Variants in CADM2 observed in about 807,000 individuals in gnomAD.
CADM2 encodes the protein immunoglobulin superfamily member 4D.
CADM2 carries 12 observed loss-of-function variants against 49.8 expected under a neutral mutation model. The ratio of observed to expected loss-of-function variants is 0.24; its 90% CI spans 0.15 to 0.39. The LOEUF (loss-of-function observed/expected upper bound fraction) is 0.39, where lower values mean the gene tolerates loss of function less well. CADM2 is among the 10% of genes least tolerant of loss of function. The pLI, the probability that CADM2 is intolerant of heterozygous loss-of-function variation, is 1.00. For synonymous variants in CADM2, 214 were observed against 175.4 expected (o/e 1.22, Z -1.74); for missense variants, 378 against 492.3 (o/e 0.77, Z 2.20).
intron 1 of CADM2, among the ~76,000 whole-genome samples, chr3:85,169,692 T>C (rs2040568334): frequency 1.3e-5 from 2 of 152,056 alleles, no homozygotes; most frequent in African/African-American, 4.8e-5. Context: ...GAATTGCTTG[T>C]ACCCTGGAGA....
At chr3:85,433,507 G>T (rs934995739) in intron 1 of CADM2, among the ~76,000 whole-genome samples, 1 of 152,050 alleles carries the variant, frequency 6.6e-6, no homozygotes, top group African/African-American at 2.4e-5. Flanking sequence ...GTGACTACCC[G>T]CCTGGAAAGC....
At chr3:85,607,313 CTT>C (rs995290249) in intron 1 of CADM2, among the ~76,000 whole-genome samples, 14 of 152,120 alleles carry the variant, frequency 9.2e-5, no homozygotes, top group African/African-American at 3.4e-4. Context: ...TTCAGAGAAT[CTT>C]GTGTGCTCAT....
chr3:85,984,021 A>G (rs1425439635), intron 8 of CADM2, among the ~76,000 whole-genome samples: 1 of 149,730 alleles, frequency 6.7e-6, no homozygotes, highest in African/African-American at 2.4e-5. Context: ...GACACACATA[A>G]TATATTATAC....
intron 1 of CADM2, among the ~76,000 whole-genome samples, chr3:85,272,591 G>T (rs1338867917): frequency 6.6e-6 from 1 of 151,220 alleles, no homozygotes; most frequent in Admixed American, 6.6e-5. Flanking sequence ...ATTATGCACA[G>T]ATACAAATGC....
chr3:85,154,034 C>A (rs2040018762), intron 1 of CADM2, among the ~76,000 whole-genome samples: 1 of 152,202 alleles, frequency 6.6e-6, no homozygotes, highest in Non-Finnish European at 1.5e-5. Context: ...CAGAGCGCCT[C>A]TCCTCCTCCA....
intron 1 of CADM2, among the ~76,000 whole-genome samples, chr3:85,388,897 C>T (rs1300001470): frequency 6.6e-6 from 1 of 152,018 alleles, no homozygotes; most frequent in Non-Finnish European, 1.5e-5. Flanking sequence ...ATAGATCTTA[C>T]AGAAAGTTAC....
At chr3:85,861,181 C>T (rs112084377) in intron 3 of CADM2, among the ~76,000 whole-genome samples, 25 of 152,196 alleles carry the variant, frequency 1.6e-4, no homozygotes, top group African/African-American at 6.0e-4. Context: ...CCAGAAAGGT[C>T]AGTTAGGAGT....
chr3:85,669,802 C>A (rs1018418715), intron 1 of CADM2, among the ~76,000 whole-genome samples: 1 of 151,982 alleles, frequency 6.6e-6, no homozygotes, highest in African/African-American at 2.4e-5. Context: ...AACATAGAAG[C>A]ATTTAACATG....
At chr3:85,932,299 T>C (rs1720703340) in intron 6 of CADM2, among the ~76,000 whole-genome samples, 1 of 152,130 alleles carries the variant, frequency 6.6e-6, no homozygotes. Context: ...GGGGAAAGAT[T>C]GGAGACTGAG....
intron 4 of CADM2, among the ~76,000 whole-genome samples, chr3:85,884,177 G>C (rs758339181): frequency 6.6e-6 from 1 of 152,168 alleles, no homozygotes; most frequent in Non-Finnish European, 1.5e-5. Context: ...CCAATCAGCT[G>C]AAATTGCTGC....
chr3:85,445,375 T>C (rs2037399001), intron 1 of CADM2, among the ~76,000 whole-genome samples: 1 of 152,116 alleles, frequency 6.6e-6, no homozygotes, highest in Non-Finnish European at 1.5e-5. Flanking sequence ...ATGTGAAATG[T>C]AATCCAACAG....
chr3:85,741,176 C>T (rs1428326856), intron 2 of CADM2, among the ~76,000 whole-genome samples: 1 of 152,128 alleles, frequency 6.6e-6, no homozygotes, highest in African/African-American at 2.4e-5. Context: ...AGCTAAGCAT[C>T]TGAGATGTTT....
intron 1 of CADM2, among the ~76,000 whole-genome samples, chr3:85,591,561 T>C (rs1323272943): frequency 6.6e-6 from 1 of 151,988 alleles, no homozygotes; most frequent in East Asian, 1.9e-4. Flanking sequence ...GCAACATTTG[T>C]AAACACAAGG....
intron 1 of CADM2, among the ~76,000 whole-genome samples, chr3:85,141,407 A>G (rs1270956746): frequency 6.6e-6 from 1 of 152,188 alleles, no homozygotes; most frequent in Non-Finnish European, 1.5e-5. Flanking sequence ...CATATGGGAA[A>G]CATTGTAAAA....
chr3:85,281,652 C>G (rs1056564249), intron 1 of CADM2, among the ~76,000 whole-genome samples: 4 of 152,006 alleles, frequency 2.6e-5, no homozygotes, highest in Non-Finnish European at 5.9e-5. Context: ...AAAGAGTTCA[C>G]TAAATAGATT....
chr3:85,406,274 G>A (rs1315445221), intron 1 of CADM2, among the ~76,000 whole-genome samples: 2 of 151,800 alleles, frequency 1.3e-5, no homozygotes, highest in Non-Finnish European at 2.9e-5. Flanking sequence ...ATAATACCAG[G>A]AATTCGTTTG....
At chr3:85,819,930 C>T (rs1256220591) in intron 3 of CADM2, among the ~76,000 whole-genome samples, 2 of 151,916 alleles carry the variant, frequency 1.3e-5, no homozygotes, top group Non-Finnish European at 2.9e-5. Flanking sequence ...TGTGAAGAAA[C>T]AAAACTTGGG....
In CADM2 at chr3:85,079,898, T is replaced by G. The variant is rs187554904; in HGVS notation, c.61+120230T>G. Among the ~76,000 whole-genome samples the G allele has an allele frequency of 4.7e-3, 709 of 152,034 alleles. 6 individuals carry two copies. Among genetic ancestry groups the G allele is most frequent in the South Asian group, 0.016 (76 of 4,828 alleles). On this transcript the variant is annotated intron_variant, in intron 1 of 9. Coordinates refer to ENST00000383699, the MANE Select transcript of CADM2 (RefSeq NM_001167675.2). ...TCACTAAAATAGAAGTGTTTTGGAC[T>G]GTGAACTTGAGAAGGAAGGATGATG...
intron 8 of CADM2, among the ~76,000 whole-genome samples, chr3:86,036,152 A>G (rs991686378): frequency 2.0e-5 from 3 of 152,128 alleles, no homozygotes; most frequent in Admixed American, 6.6e-5. Context: ...AACACATCTA[A>G]TCTGTGTCAT....
Sources: gnomAD v4.1 joint callset for allele counts (sites outside exome capture counted in the v4.1 genomes callset) on GRCh38, gnomAD v4.1.1 for gene constraint, MANE v1.5 for transcripts, NCBI Gene and HGNC (gene_info 2026-07-23, HGNC 2026-07-21) for gene names.